GRIN1: variants seen among roughly 807,000 people sequenced by gnomAD.
GRIN1 encodes the protein glutamate receptor ionotropic, NMDA 1.
A neutral mutation model predicts 103.0 loss-of-function variants in GRIN1; 38 were observed. The ratio of observed to expected loss-of-function variants is 0.37; its 90% confidence interval spans 0.28 to 0.48. The LOEUF (loss-of-function observed/expected upper bound fraction) is 0.48, where lower values mean the gene tolerates loss of function less well. Ranked by LOEUF, GRIN1 falls within the 20% of genes least tolerant of loss-of-function variation. GRIN1 has a pLI of 0.98. For synonymous variants in GRIN1, 544 were observed against 532.7 expected, an observed-to-expected ratio of 1.02 and a Z score of -0.29; for missense variants, 577 against 1,288.9, an observed-to-expected ratio of 0.45 and a Z score of 8.46.
At chr9:137,154,920 A>G (rs1388738076) in intron 4 of GRIN1, among the ~76,000 whole-genome samples, 1 of 152,216 alleles carries the variant, frequency 6.6e-6, no homozygotes, top group African/African-American at 2.4e-5. Flanking sequence ...GGGCAGTGGC[A>G]GGCACAGGCC....
In GRIN1 at chr9:137,139,597, G is replaced by A. The variant is rs1323269371; in HGVS notation, c.111G>A (p.Lys37=). The A allele has an allele frequency of 1.2e-6, 2 of 1,613,660 alleles. No individual in the cohort carries two copies. Among genetic ancestry groups the A allele is most frequent in the Non-Finnish European group, 1.7e-6 (2 of 1,179,982 alleles). Residue 37 remains lysine (K), a synonymous_variant, in exon 1 of 20, where the codon AAG becomes AAA. Coordinates refer to ENST00000371561, the MANE Select transcript of GRIN1 (RefSeq NM_007327.4). The surrounding 1 kb of genome is among the most constrained non-coding windows in gnomAD (Gnocchi z 7.7). The part of the protein sequence containing the change: ...VNIGAVLSTR[K]HEQMFREAVN... The stretch of plus-strand genomic sequence containing the variant: ...TTGGCGCGGTGCTGAGCACGCGGAA[G>A]CACGAGCAGATGTTCCGCGAGGCCG...
chr9:137,153,020 T>A (rs1465753719), intron 4 of GRIN1, among the ~76,000 whole-genome samples: 6 of 151,480 alleles, frequency 4.0e-5, no homozygotes, highest in African/African-American at 1.5e-4. Context: ...TACTCACACA[T>A]GCAGAATCAT....
intron 8 of GRIN1, 122 bp from the exon 9 acceptor site, chr9:137,160,934 G>T: frequency 8.0e-7 from 1 of 1,249,678 alleles, no homozygotes. Flanking sequence ...GCAGGGCGGG[G>T]GGTGTGAGGG....
chr9:137,167,323 C>A, intron 19 of GRIN1, 88 bp from the exon 20 acceptor site: 2 of 1,041,038 alleles, frequency 1.9e-6, no homozygotes, highest in Non-Finnish European at 2.9e-6. Context: ...GTGGCCGGTC[C>A]GGGCCAGGGC....
intron 3 of GRIN1, 66 bp from the exon 4 acceptor site, chr9:137,148,943 C>A: frequency 8.3e-7 from 1 of 1,208,606 alleles, no homozygotes; most frequent in Non-Finnish European, 1.2e-6. Flanking sequence ...TCCGGCCCAA[C>A]TCTCACCCCT....
chr9:137,141,678 G>A (rs1832170021), intron 1 of GRIN1, among the ~76,000 whole-genome samples: 1 of 152,132 alleles, frequency 6.6e-6, no homozygotes. Flanking sequence ...CATGATGCAG[G>A]ACCAGCCATC....
intron 19 of GRIN1, among the ~76,000 whole-genome samples, chr9:137,165,735 C>T (rs1833842406): frequency 6.6e-6 from 1 of 152,234 alleles, no homozygotes; most frequent in African/African-American, 2.4e-5. Context: ...AGGGGCCCGC[C>T]GCCCTCACTT....
At chr9:137,164,847 G>A (rs1015216447) in intron 18 of GRIN1, 1 of 372,048 alleles carries the variant, frequency 2.7e-6, no homozygotes, top group Non-Finnish European at 5.2e-6. Flanking sequence ...TGTGGCCTGA[G>A]GGGCAACTCC....
chr9:137,158,740 C>A (rs1239674670), intron 8 of GRIN1, 36 bp downstream of exon 8: 9 of 1,440,988 alleles, frequency 6.2e-6, no homozygotes, highest in African/African-American at 2.8e-5. Flanking sequence ...GTGTCCCCAC[C>A]CCAGACAGCC....
chr9:137,160,450 G>A (rs1487941434), intron 8 of GRIN1, among the ~76,000 whole-genome samples: 1 of 150,882 alleles, frequency 6.6e-6, no homozygotes, highest in African/African-American at 2.5e-5. Context: ...TTTTTTTTGA[G>A]ACAGAGTCTC....
At chr9:137,144,768 CCAGAAAG>C (rs1832411273) in intron 2 of GRIN1, among the ~76,000 whole-genome samples, 3 of 60,720 alleles carry the variant, frequency 4.9e-5, no homozygotes, top group Admixed American at 1.5e-4. Context: ...GTCCCAGGGT[CCAGAAAG>C]TGTCCCCAGG....
intron 4 of GRIN1, among the ~76,000 whole-genome samples, chr9:137,154,695 G>A (rs931593636): frequency 6.6e-6 from 1 of 150,912 alleles, no homozygotes; most frequent in Middle Eastern, 3.5e-3. Flanking sequence ...CAGGAGACCT[G>A]CCCGCCTCGG....
intron 9 of GRIN1, 27 bp downstream of exon 9, chr9:137,161,224 C>T: frequency 1.2e-6 from 2 of 1,605,776 alleles, no homozygotes; most frequent in South Asian, 1.1e-5. Context: ...GGGCGCGGGG[C>T]GCGGGGCAGG....
chr9:137,142,743 G>A (rs1040340550), intron 2 of GRIN1, among the ~76,000 whole-genome samples: 1 of 152,222 alleles, frequency 6.6e-6, no homozygotes, highest in Non-Finnish European at 1.5e-5. Flanking sequence ...CAGCCAGGGT[G>A]GTGGGGCCAG....
chr9:137,154,899 A>G (rs934450384), intron 4 of GRIN1, among the ~76,000 whole-genome samples: 1 of 152,188 alleles, frequency 6.6e-6, no homozygotes, highest in African/African-American at 2.4e-5. Context: ...GAGTGCAGAG[A>G]GGCAAGCCCT....
At position 137,168,022 on chromosome 9, in the gene GRIN1, C is replaced by A. The variant is rs1479996362; in HGVS notation, c.*495C>A. ...AGCCCCTGCTGGACCAAGGTGCGGA[C>A]CGGAGCGGCTGAGGACGGGGCAGAG... On this transcript the variant is annotated 3_prime_UTR_variant, in exon 20 of 20. Transcript: ENST00000371561. The A allele has an allele frequency of 7.4e-6, 5 of 673,892 alleles. No individual in the cohort carries two copies. Among genetic ancestry groups the A allele is most frequent in the Non-Finnish European group, 1.3e-5 (5 of 379,052 alleles). The allele number at this position is 673,892 out of a possible 1,614,324, so 41.7% of individuals were successfully genotyped here.
chr9:137,150,724 A>AAAAGCCCGCCCAGGG (rs1832810257), intron 4 of GRIN1, among the ~76,000 whole-genome samples: 1 of 148,260 alleles, frequency 6.7e-6, no homozygotes. Context: ...CTGCCCAGAT[A>AAAAGCCCGCCCAGGG]AAAGCCCGCC....
Position 137,168,018 on chromosome 9 carries a change from C to T in GRIN1, c.*491C>T, listed in dbSNP as rs1228688974. On this transcript the variant is annotated 3_prime_UTR_variant, in exon 20 of 20. Coordinates refer to ENST00000371561, the MANE Select transcript of GRIN1 (RefSeq NM_007327.4). Reference sequence around the variant, plus strand: ...GGGCAGCCCCTGCTGGACCAAGGTGCGGACCGGAGCGGCTGAGGACGGGGC... The same window carrying T: ...GGGCAGCCCCTGCTGGACCAAGGTGTGGACCGGAGCGGCTGAGGACGGGGC... The T allele has an allele frequency of 1.0e-5, 7 of 674,544 alleles. No homozygotes were observed. In the African/African-American group the frequency reaches 1.1e-4, roughly 10 times the overall value. The allele number at this position is 674,544 out of a possible 1,614,324, so 41.8% of individuals were successfully genotyped here.
rs1832519530 is a variant in GRIN1, at chr9:137,146,179, C to T, written c.570+277C>T. ...CCCGCGCTGCCGAGCGCCCTCGTCC[C>T]CTCCTCCTGCCCATGCCCCTCGCTC... On this transcript the variant is annotated intron_variant, in intron 3 of 19. Coordinates refer to ENST00000371561, the MANE Select transcript of GRIN1 (RefSeq NM_007327.4). This position sits in a 1 kb window ranked among gnomAD's most constrained non-coding sequence, Gnocchi z 6.7. 6.6e-6 allele frequency among the ~76,000 whole-genome samples: 1 copy of T among 152,146 alleles called. No homozygotes were observed. Among genetic ancestry groups the T allele is most frequent in the Non-Finnish European group, 1.5e-5 (1 of 68,008 alleles).
Sources: allele counts gnomAD v4.1 joint callset (sites outside exome capture counted in the v4.1 genomes callset), GRCh38; gene constraint gnomAD v4.1.1; non-coding constraint Gnocchi (gnomAD v3.1); transcripts MANE v1.5; gene names NCBI Gene and HGNC (gene_info 2026-07-23, HGNC 2026-07-21).